NXPH1: variants seen among roughly 807,000 people sequenced by gnomAD.
NXPH1 encodes the protein neurexophilin 1.
In NXPH1, 5 loss-of-function variants were observed where a neutral mutation model predicts 23.7. The observed-to-expected ratio is 0.21, with a 90% CI of 0.11 to 0.44. The LOEUF is 0.44. NXPH1 is among the 20% of genes least tolerant of loss of function. The pLI, the probability that NXPH1 is intolerant of heterozygous loss-of-function variation, is 0.99. For synonymous variants in NXPH1, 144 were observed against 122.2 expected, an observed-to-expected ratio of 1.18 and a Z score of -1.18; for missense variants, 324 against 321.6, an observed-to-expected ratio of 1.01 and a Z score of -0.06.
chr7:8,470,609 G>C (rs760877466), intron 2 of NXPH1, among the ~76,000 whole-genome samples: 2 of 152,126 alleles, frequency 1.3e-5, no homozygotes, highest in Non-Finnish European at 2.9e-5. Flanking sequence ...GTGGTGAAGT[G>C]TCAGACCTTT....
chr7:8,518,824 T>C (rs1332904979), intron 2 of NXPH1, among the ~76,000 whole-genome samples: 1 of 152,170 alleles, frequency 6.6e-6, no homozygotes, highest in Non-Finnish European at 1.5e-5. Context: ...CCACATAAGC[T>C]TGTGCTTAAA....
chr7:8,607,998 G>T (rs1255695003), intron 2 of NXPH1, among the ~76,000 whole-genome samples: 1 of 152,222 alleles, frequency 6.6e-6, no homozygotes, highest in Non-Finnish European at 1.5e-5. Context: ...GAATGCCAAG[G>T]ATTGGTGGTG....
At position 8,751,075 on chromosome 7, in the gene NXPH1, C is replaced by T. The variant is rs758684703; in HGVS notation, c.122C>T (p.Thr41Ile). The change falls in exon 3 of 3, where the codon ACA becomes ATA. Residue 41 changes from threonine to isoleucine, a missense_variant. Thr to Ile is a moderately conservative substitution (Grantham distance 89). Coordinates refer to ENST00000405863, the MANE Select transcript of NXPH1 (RefSeq NM_152745.3). The surrounding 1 kb of genome is among the most constrained non-coding windows in gnomAD (Gnocchi z 4.5). ...CTGAAATCAGGAAGCAGCAAATCCACACTAAAGCACATATGGACAGAAAGC... is the reference window on the plus strand; with the variant it reads ...CTGAAATCAGGAAGCAGCAAATCCATACTAAAGCACATATGGACAGAAAGC... ...ELLKSGSSKS[T>I]LKHIWTESSK... is the part of the protein sequence containing the mutation. 1.9e-6 allele frequency: 3 copies of T among 1,613,820 alleles called. No homozygotes were observed. The highest frequency in any genetic ancestry group is 1.7e-5 in the Admixed American group (1 of 59,972).
At position 8,710,647 on chromosome 7, in the gene NXPH1, GTTTTTTTTTTTTTTT is replaced by G. The variant is rs1424880912; in HGVS notation, c.55-40349_55-40335del. On this transcript the variant is annotated intron_variant, in intron 2 of 2. Transcript: ENST00000405863. ...AAGCATGTCAACTGTTACGTTTTTT[GTTTTTTTTTTTTTTT>G]TTTTTTTTTTTGAGACGGAGTCTCG... 1.7e-3 allele frequency among the ~76,000 whole-genome samples: 90 copies of G among 51,724 alleles called. 6 individuals are homozygous for G. Among genetic ancestry groups the G allele is most frequent in the Middle Eastern group, 0.013 (1 of 78 alleles). 33.9% of individuals were successfully genotyped at this position (51,724 alleles called of 152,430 possible).
intron 2 of NXPH1, among the ~76,000 whole-genome samples, chr7:8,736,669 A>G (rs1455623991): frequency 6.6e-6 from 1 of 152,188 alleles, no homozygotes; most frequent in African/African-American, 2.4e-5. Context: ...GCTGAGTTCA[A>G]GTCCTGAATA....
intron 2 of NXPH1, among the ~76,000 whole-genome samples, chr7:8,470,682 C>G (rs1340108671): frequency 6.6e-6 from 1 of 152,150 alleles, no homozygotes; most frequent in African/African-American, 2.4e-5. Flanking sequence ...CTTGCTTAGG[C>G]ATTTCATAGC....
At chr7:8,632,235 T>C (rs572121236) in intron 2 of NXPH1, among the ~76,000 whole-genome samples, 1 of 152,292 alleles carries the variant, frequency 6.6e-6, no homozygotes, top group Non-Finnish European at 1.5e-5. Context: ...ATTAAGAAAA[T>C]CTTATGATGA....
intron 2 of NXPH1, among the ~76,000 whole-genome samples, chr7:8,557,061 G>A (rs557463155): frequency 5.9e-5 from 9 of 151,710 alleles, no homozygotes; most frequent in Non-Finnish European, 1.2e-4. Flanking sequence ...TTTCCTAGTC[G>A]ATGACTACAT....
intron 2 of NXPH1, among the ~76,000 whole-genome samples, chr7:8,734,464 C>A (rs960180040): frequency 2.0e-5 from 3 of 152,104 alleles, no homozygotes; most frequent in Non-Finnish European, 2.9e-5. Context: ...TTACTTTGGG[C>A]AATATGGCCA....
In NXPH1 at chr7:8,634,387, A is replaced by T. The variant is rs1820183036; in HGVS notation, c.55-116621A>T. Among the ~76,000 whole-genome samples, 3 of 152,272 alleles carry T rather than the reference A, an allele frequency of 2.0e-5. No individual in the cohort carries two copies. The South Asian group carries it at 6.2e-4, about 32-fold the overall frequency. ...GTCTCCCCAGCCATGTGGAACTGGG[A>T]GTCCATTTTTACTTAGTAAATTTAA... On this transcript the variant is annotated intron_variant, in intron 2 of 2. Coordinates refer to ENST00000405863, the MANE Select transcript of NXPH1 (RefSeq NM_152745.3).
intron 2 of NXPH1, among the ~76,000 whole-genome samples, chr7:8,655,646 TG>T (rs1242767266): frequency 6.6e-6 from 1 of 152,058 alleles, no homozygotes; most frequent in Non-Finnish European, 1.5e-5. Flanking sequence ...TGTTGATTAT[TG>T]AAAGATTTTC....
At chr7:8,498,511 G>T (rs189651048) in intron 2 of NXPH1, among the ~76,000 whole-genome samples, 2,487 of 152,158 alleles carry the variant, frequency 0.016, 37 homozygotes, top group South Asian at 0.059. Context: ...AATAAAATTT[G>T]CAAACCAGAA....
At chr7:8,644,000 C>G (rs183437708) in intron 2 of NXPH1, among the ~76,000 whole-genome samples, 10 of 152,188 alleles carry the variant, frequency 6.6e-5, no homozygotes, top group South Asian at 4.2e-4. Context: ...GGTTCATGGA[C>G]AACAACAGGC....
At chr7:8,737,716 C>G (rs1253541044) in intron 2 of NXPH1, among the ~76,000 whole-genome samples, 1 of 152,298 alleles carries the variant, frequency 6.6e-6, no homozygotes, top group East Asian at 1.9e-4. Flanking sequence ...GGATAATATC[C>G]TGAAGAGTGT....
At chr7:8,642,621 A>AT (rs77506200) in intron 2 of NXPH1, among the ~76,000 whole-genome samples, 7,198 of 152,134 alleles carry the variant, frequency 0.047, 379 homozygotes, top group East Asian at 0.17. Context: ...TAACATTCTA[A>AT]TTTTTTTGTT....
At chr7:8,702,002 T>G (rs1444000236) in intron 2 of NXPH1, among the ~76,000 whole-genome samples, 1 of 151,630 alleles carries the variant, frequency 6.6e-6, no homozygotes, top group Non-Finnish European at 1.5e-5. Context: ...CTGTTAACTA[T>G]TTGCTTCCCA....
chr7:8,619,737 T>A (rs1435344651), intron 2 of NXPH1, among the ~76,000 whole-genome samples: 1 of 152,200 alleles, frequency 6.6e-6, no homozygotes, highest in Non-Finnish European at 1.5e-5. Context: ...AAGGAATAAT[T>A]CTCTGCATTT....
intron 2 of NXPH1, among the ~76,000 whole-genome samples, chr7:8,502,975 C>T (rs544555368): frequency 3.3e-5 from 5 of 152,052 alleles, no homozygotes; most frequent in Admixed American, 6.6e-5. Flanking sequence ...GGGCTGGATC[C>T]TGGAAAGACC....
At chr7:8,488,659 C>T (rs1817201579) in intron 2 of NXPH1, among the ~76,000 whole-genome samples, 1 of 152,074 alleles carries the variant, frequency 6.6e-6, no homozygotes, top group Admixed American at 6.6e-5. Context: ...TCATGTTCGC[C>T]TTCATATAGG....
Sources: gnomAD v4.1 joint callset for allele counts (sites outside exome capture counted in the v4.1 genomes callset) on GRCh38, gnomAD v4.1.1 for gene constraint, Gnocchi (gnomAD v3.1) non-coding constraint, MANE v1.5 for transcripts, NCBI Gene and HGNC (gene_info 2026-07-23, HGNC 2026-07-21) for gene names.